The following MRPS34 variants were observed in gnomAD, a reference collection of about 807,000 sequenced individuals.
MRPS34 encodes the protein mitochondrial ribosomal protein S34.
MRPS34 carries 12 observed loss-of-function variants against 13.3 expected under a neutral mutation model. The observed-to-expected ratio is 0.90, with a 90% CI of 0.58 to 1.46. The LOEUF (loss-of-function observed/expected upper bound fraction) is 1.46, where lower values mean the gene tolerates loss of function less well. MRPS34 is among the 40% of genes most tolerant of loss of function. The probability of loss-of-function intolerance (pLI) is 0.00; values close to 1 mark genes in which losing one functional copy is unlikely to be tolerated. For synonymous variants in MRPS34, 181 were observed against 149.3 expected (o/e 1.21, Z -1.55); for missense variants, 419 against 335.3 (o/e 1.25, Z -1.95).
rs2042629369 is a variant in MRPS34 at position 1,772,247 on chromosome 16, C to CT, written c.630dup (p.Gly211ArgfsTer28). ...TAGACGGGGGTGCCCTTGGCCCTTC[C>CT]TTTGTCTTCCTGTTTTGCAGGGTAA... On this transcript the variant is annotated frameshift_variant, in exon 3 of 3. Transcript: ENST00000397375. LOFTEE classifies it high-confidence loss of function. 2 of 1,609,758 alleles carry CT rather than the reference C, an allele frequency of 1.2e-6. No individual in the cohort carries two copies. Among genetic ancestry groups the CT allele is most frequent in the Admixed American group, 1.7e-5 (1 of 59,988 alleles).
chr16:1,772,304 T>C lies in MRPS34; in HGVS notation c.574A>G (p.Asn192Asp), dbSNP rs960831364. The change falls in exon 3 of 3, where the codon AAT becomes GAT. Residue 192 changes from asparagine to aspartate, a missense_variant. Physicochemically the swap from Asn to Asp is conservative, Grantham distance 23. Coordinates refer to ENST00000397375, the MANE Select transcript of MRPS34 (RefSeq NM_023936.2). ...GDTSTEEPML[N>D]VQRIRMEPWD... is the part of the protein sequence containing the mutation. Reference sequence around the variant, plus strand: ...GGTTCCATGCGTATCCTCTGCACATTCAGCATGGGCTCCTCGGTGCTTGTG... The same window carrying C: ...GGTTCCATGCGTATCCTCTGCACATCCAGCATGGGCTCCTCGGTGCTTGTG... 2 of 1,612,998 alleles carry C rather than the reference T, an allele frequency of 1.2e-6. No individual in the cohort carries two copies. Among genetic ancestry groups the C allele is most frequent in the Non-Finnish European group, 1.7e-6 (2 of 1,179,998 alleles).
rs1416116979 is a variant in MRPS34 at position 1,772,829 on chromosome 16, G to A, written c.291C>T (p.Leu97=). The part of the protein sequence containing the change: ...WQHDEPCYWR[L]TRVRPDYTAQ... ...CCGTGTAGTCGGGCCGCACCCGCGT[G>A]AGGCGCCAGTAGCACGGCTCGTCGT... The change falls in exon 1 of 3, where the codon CTC becomes CTT. Residue 97 remains leucine (L), a synonymous_variant. Transcript: ENST00000397375. 2.1e-6 allele frequency: 3 copies of A among 1,445,282 alleles called. No individual in the cohort carries two copies. The highest frequency in any genetic ancestry group is 2.9e-5 in the South Asian group (2 of 69,670). The allele number at this position is 1,445,282 out of a possible 1,614,324, so 89.5% of individuals were successfully genotyped here. A position where few individuals can be genotyped will look rare whatever the true frequency, so the allele number is the denominator to read the frequency against.
In MRPS34 at chr16:1,772,837, A is replaced by G; in HGVS notation, c.283T>C (p.Trp95Arg). Residue 95 changes from tryptophan (W) to arginine (R), a missense_variant, in exon 1 of 3, where the codon TGG becomes CGG. Physicochemically the swap from Trp to Arg is moderately radical, Grantham distance 101. Coordinates refer to ENST00000397375, the MANE Select transcript of MRPS34 (RefSeq NM_023936.2). ...WLWQHDEPCYWRLTRVRPDYT... is the reference protein window; with the variant it reads ...WLWQHDEPCYRRLTRVRPDYT... ...TCGGGCCGCACCCGCGTGAGGCGCC[A>G]GTAGCACGGCTCGTCGTGCTGCCAC... 1 of 1,444,564 alleles carries G rather than the reference A, an allele frequency of 6.9e-7. No homozygotes were observed. The highest frequency in any genetic ancestry group is 9.1e-7 in the Non-Finnish European group (1 of 1,103,892). 89.5% of individuals were successfully genotyped at this position (1,444,564 alleles called of 1,614,324 possible). A position where few individuals can be genotyped will look rare whatever the true frequency, so the allele number is the denominator to read the frequency against.
Position 1,771,919 on chromosome 16 carries a change from T to C in MRPS34, c.*302A>G. On this transcript the variant is annotated 3_prime_UTR_variant, in exon 3 of 3. Transcript: ENST00000397375. ...GTACTTCTTTTCTCTTTATTCCCTT[T>C]CATAGCTTCTGCCGGGATCCAGGCA... 1 of 513,272 alleles carries C rather than the reference T, an allele frequency of 1.9e-6. No individual in the cohort carries two copies. The highest frequency in any genetic ancestry group is 3.5e-6 in the Non-Finnish European group (1 of 288,814). 31.8% of individuals were successfully genotyped at this position (513,272 alleles called of 1,614,324 possible).
Position 1,773,109 on chromosome 16 carries a change from T to G in MRPS34, c.11A>C (p.Lys4Thr), listed in dbSNP as rs778248787. Residue 4 changes from lysine (K) to threonine (T), a missense_variant, in exon 1 of 3, where the codon AAG becomes ACG. Lys to Thr is a moderately conservative substitution (Grantham distance 78, BLOSUM62 -1). Coordinates refer to ENST00000397375, the MANE Select transcript of MRPS34 (RefSeq NM_023936.2). ...CGCGATCAGCCGCGGACGCACCTTCTTCCGCGCCATGGCGGGTCCGCGTCC... is the reference window on the plus strand; with the variant it reads ...CGCGATCAGCCGCGGACGCACCTTCGTCCGCGCCATGGCGGGTCCGCGTCC... MAR[K>T]KVRPRLIAEL... is the part of the protein sequence containing the mutation. 1 of 1,397,370 alleles carries G rather than the reference T, an allele frequency of 7.2e-7. No individual in the cohort carries two copies. 86.6% of individuals were successfully genotyped at this position (1,397,370 alleles called of 1,614,324 possible). A position where few individuals can be genotyped will look rare whatever the true frequency, so the allele number is the denominator to read the frequency against.
intron 2 of MRPS34, 23 bp downstream of exon 2, chr16:1,772,581 G>A (rs377356390): frequency 2.5e-6 from 4 of 1,612,140 alleles, no homozygotes; most frequent in Non-Finnish European, 3.4e-6. Flanking sequence ...GAACTGCCGG[G>A]CACCCGCTCT....
At position 1,772,022 on chromosome 16, in the gene MRPS34, G is replaced by T; in HGVS notation, c.*199C>A. Reference sequence around the variant, plus strand: ...TGGGCCCTCGGAGTTGGGTGTGGGGGCAGCAGGGCCAGAGGAAAGGCACAG... The same window carrying T: ...TGGGCCCTCGGAGTTGGGTGTGGGGTCAGCAGGGCCAGAGGAAAGGCACAG... On this transcript the variant is annotated 3_prime_UTR_variant, in exon 3 of 3. Transcript: ENST00000397375. 1 of 620,248 alleles carries T rather than the reference G, an allele frequency of 1.6e-6. No individual in the cohort carries two copies. Among genetic ancestry groups the T allele is most frequent in the Non-Finnish European group, 2.8e-6 (1 of 355,778 alleles). The allele number at this position is 620,248 out of a possible 1,614,324, so 38.4% of individuals were successfully genotyped here. A position where few individuals can be genotyped will look rare whatever the true frequency, so the allele number is the denominator to read the frequency against.
In MRPS34 at chr16:1,772,493, G is replaced by A. The variant is rs759977712; in HGVS notation, c.385C>T (p.Arg129Trp). The change falls in exon 3 of 3, where the codon CGG becomes TGG. Residue 129 changes from arginine (R) to tryptophan (W), a missense_variant. Arg to Trp is a moderately radical substitution (Grantham distance 101). Coordinates refer to ENST00000397375, the MANE Select transcript of MRPS34 (RefSeq NM_023936.2). Reference protein sequence around the residue: ...TFKGKTESEAREIEHVMYHDW... With the variant: ...TFKGKTESEAWEIEHVMYHDW... ...TGGTACATGACGTGTTCGATCTCCCGCGCCTCGCTCTCAGTCTTCCCTGAT... is the reference window on the plus strand; with the variant it reads ...TGGTACATGACGTGTTCGATCTCCCACGCCTCGCTCTCAGTCTTCCCTGAT... 2.7e-5 allele frequency: 44 copies of A among 1,611,268 alleles called. No individual in the cohort carries two copies. The highest frequency in any genetic ancestry group is 3.5e-5 in the Non-Finnish European group (41 of 1,178,916).
chr16:1,772,197 A>C lies in MRPS34; in HGVS notation c.*24T>G. ...GGTCCCCACTGCCTCACAGCCCCTA[A>C]GGCCACCCGCTGGTTCTGGCATTCT... On this transcript the variant is annotated 3_prime_UTR_variant, in exon 3 of 3. Transcript: ENST00000397375. 6.3e-7 allele frequency: 1 copy of C among 1,593,386 alleles called. No homozygotes were observed. Among genetic ancestry groups the C allele is most frequent in the Non-Finnish European group, 8.5e-7 (1 of 1,172,586 alleles).
Position 1,772,394 on chromosome 16 carries a change from C to T in MRPS34, c.484G>A (p.Ala162Thr), listed in dbSNP as rs761321428. 3 of 1,611,846 alleles carry T rather than the reference C, an allele frequency of 1.9e-6. No homozygotes were observed. In the South Asian group the frequency reaches 3.3e-5, roughly 18 times the overall value. The change falls in exon 3 of 3, where the codon GCC (alanine) becomes ACC (threonine). Residue 162 changes from alanine to threonine, a missense_variant. Physicochemically the swap from Ala to Thr is moderately conservative, Grantham distance 58 (BLOSUM62 0). Transcript: ENST00000397375. ...AGGAGAGGCGGGTACGGCACGGAGGCCAGGCTGTCTTCCGGCGCCGGCGTG... is the reference window on the plus strand; with the variant it reads ...AGGAGAGGCGGGTACGGCACGGAGGTCAGGCTGTCTTCCGGCGCCGGCGTG... ...AFTPAPEDSL[A>T]SVPYPPLLRA...
chr16:1,772,345 C>T lies in MRPS34; in HGVS notation c.533G>A (p.Arg178Gln), dbSNP rs1244214618. ...PLLRAMIIAERQKNGDTSTEE... is the reference protein window; with the variant it reads ...PLLRAMIIAEQQKNGDTSTEE... ...GGTGCTTGTGTCTCCATTTTTCTGT[C>T]GTTCTGCGATAATCATGGCCCGGAG... is the stretch of plus-strand genomic sequence containing the variant. Residue 178 changes from arginine to glutamine, a missense_variant, in exon 3 of 3, where the codon CGA becomes CAA. Coordinates refer to ENST00000397375, the MANE Select transcript of MRPS34 (RefSeq NM_023936.2). The T allele has an allele frequency of 2.5e-6, 4 of 1,612,890 alleles. No individual in the cohort carries two copies. Among genetic ancestry groups the T allele is most frequent in the African/African-American group, 1.3e-5 (1 of 74,946 alleles).
In MRPS34 at chr16:1,772,949, G is replaced by A; in HGVS notation, c.171C>T (p.Asp57=). 1 of 1,448,408 alleles carries A rather than the reference G, an allele frequency of 6.9e-7. No homozygotes were observed. 89.7% of individuals were successfully genotyped at this position (1,448,408 alleles called of 1,614,324 possible). Residue 57 remains aspartate (D), a synonymous_variant, in exon 1 of 3, where the codon GAC becomes GAT. Transcript: ENST00000397375. The part of the protein sequence containing the change: ...GRRLPVRAWA[D]VRRESRLLQL... ...GCAAGAGGCGGCTCTCGCGGCGCAC[G>A]TCGGCCCAGGCCCGGACCGGCAGCC... is the stretch of plus-strand genomic sequence containing the variant.
Position 1,772,821 on chromosome 16 carries a change from A to C in MRPS34, c.299T>G (p.Val100Gly). The C allele has an allele frequency of 6.9e-7, 1 of 1,445,486 alleles. No individual in the cohort carries two copies. The highest frequency in any genetic ancestry group is 1.4e-5 in the South Asian group (1 of 69,672). The allele number at this position is 1,445,486 out of a possible 1,614,324, so 89.5% of individuals were successfully genotyped here. A position where few individuals can be genotyped will look rare whatever the true frequency, so the allele number is the denominator to read the frequency against. The change falls in exon 1 of 3, where the codon GTG becomes GGG. Residue 100 changes from valine (V) to glycine (G), a missense_variant. Val to Gly is a moderately radical substitution (Grantham distance 109, BLOSUM62 -3). Coordinates refer to ENST00000397375, the MANE Select transcript of MRPS34 (RefSeq NM_023936.2). ...CACCTGCGCCGTGTAGTCGGGCCGC[A>C]CCCGCGTGAGGCGCCAGTAGCACGG... The part of the protein sequence containing the change: ...DEPCYWRLTR[V>G]RPDYTAQNLD...
At position 1,771,904 on chromosome 16, in the gene MRPS34, T is replaced by C; in HGVS notation, c.*317A>G. 2.1e-6 allele frequency: 1 copy of C among 470,220 alleles called. No homozygotes were observed. The highest frequency in any genetic ancestry group is 3.8e-6 in the Non-Finnish European group (1 of 265,022). The allele number at this position is 470,220 out of a possible 1,614,324, so 29.1% of individuals were successfully genotyped here. A position where few individuals can be genotyped will look rare whatever the true frequency, so the allele number is the denominator to read the frequency against. ...ACACCACGACCCTGGGTACTTCTTT[T>C]CTCTTTATTCCCTTTCATAGCTTCT... is the stretch of plus-strand genomic sequence containing the variant. On this transcript the variant is annotated 3_prime_UTR_variant, in exon 3 of 3. Coordinates refer to ENST00000397375, the MANE Select transcript of MRPS34 (RefSeq NM_023936.2).
chr16:1,773,090 C>T lies in MRPS34; in HGVS notation c.30G>A (p.Leu10=). The T allele has an allele frequency of 7.1e-7, 1 of 1,405,472 alleles. No individual in the cohort carries two copies. The highest frequency in any genetic ancestry group is 9.2e-7 in the Non-Finnish European group (1 of 1,084,478). The allele number at this position is 1,405,472 out of a possible 1,614,324, so 87.1% of individuals were successfully genotyped here. A position where few individuals can be genotyped will look rare whatever the true frequency, so the allele number is the denominator to read the frequency against. MARKKVRPR[L]IAELARRVRA... is the part of the protein sequence containing the mutation. ...GCACGCGGCGGGCCAGCTCCGCGAT[C>T]AGCCGCGGACGCACCTTCTTCCGCG... is the stretch of plus-strand genomic sequence containing the variant. Residue 10 remains leucine (L), a synonymous_variant, in exon 1 of 3, where the codon CTG becomes CTA. Coordinates refer to ENST00000397375, the MANE Select transcript of MRPS34 (RefSeq NM_023936.2).
rs1303490629 is a variant in MRPS34, at chr16:1,772,377, C to T, written c.501G>A (p.Pro167=). 1 of 1,612,154 alleles carries T rather than the reference C, an allele frequency of 6.2e-7. No individual in the cohort carries two copies. The highest frequency in any genetic ancestry group is 8.5e-7 in the Non-Finnish European group (1 of 1,180,002). Residue 167 remains proline, a synonymous_variant, in exon 3 of 3, where the codon CCG becomes CCA. Transcript: ENST00000397375. ...CGATAATCATGGCCCGGAGGAGAGG[C>T]GGGTACGGCACGGAGGCCAGGCTGT... ...PEDSLASVPY[P]PLLRAMIIAE...
Position 1,772,282 on chromosome 16 carries a change from T to A in MRPS34, c.596A>T (p.Glu199Val). The stretch of plus-strand genomic sequence containing the variant: ...CTGTTTTGCAGGGTAATCCCAGGGT[T>A]CCATGCGTATCCTCTGCACATTCAG... ...PMLNVQRIRMEPWDYPAKQED... is the reference protein window; with the variant it reads ...PMLNVQRIRMVPWDYPAKQED... Residue 199 changes from glutamate (E) to valine (V), a missense_variant, in exon 3 of 3, where the codon GAA (glutamate) becomes GTA (valine). Transcript: ENST00000397375. The A allele has an allele frequency of 1.2e-6, 2 of 1,612,882 alleles. No homozygotes were observed. The highest frequency in any genetic ancestry group is 1.7e-6 in the Non-Finnish European group (2 of 1,179,970).
chr16:1,772,603 C>A lies in MRPS34; in HGVS notation c.364+1G>T. ...CGGGCACCCGCTCTCCCGAGCCTTACCTTTGAAGGTCAGGATGCCCCAGGC... is the reference window on the plus strand; with the variant it reads ...CGGGCACCCGCTCTCCCGAGCCTTAACTTTGAAGGTCAGGATGCCCCAGGC... On this transcript the variant is annotated splice_donor_variant, in intron 2 of 2. Transcript: ENST00000397375. LOFTEE classifies it high-confidence loss of function. 4 of 1,611,946 alleles carry A rather than the reference C, an allele frequency of 2.5e-6. No individual in the cohort carries two copies. Among genetic ancestry groups the A allele is most frequent in the Non-Finnish European group, 3.4e-6 (4 of 1,179,946 alleles).
intron 1 of MRPS34, 22 bp from the exon 2 acceptor site, chr16:1,772,668 G>A (rs777310527): frequency 2.5e-6 from 4 of 1,600,196 alleles, no homozygotes; most frequent in East Asian, 4.5e-5. Context: ...GAAGGAAGCG[G>A]GGTCAGCTCG....
Sources: allele counts gnomAD v4.1 joint callset, GRCh38; gene constraint gnomAD v4.1.1; transcripts MANE v1.5; gene names NCBI Gene and HGNC (gene_info 2026-07-23, HGNC 2026-07-21).